The following LAMC1 variants were observed in gnomAD, a reference collection of about 807,000 sequenced individuals.
LAMC1 encodes laminin subunit gamma 1, also known as laminin subunit gamma-1.
In LAMC1, 38 loss-of-function variants were observed where a neutral mutation model predicts 173.6. The ratio of observed to expected loss-of-function variants is 0.22; its 90% CI spans 0.17 to 0.29. LAMC1 has a LOEUF of 0.29. Ranked by LOEUF, LAMC1 falls within the 10% of genes least tolerant of loss-of-function variation. The pLI is 1.00. For missense variants in LAMC1, 1,824 were observed against 2,051.8 expected (o/e 0.89, Z 2.14); for synonymous variants, 746 against 749.1 (o/e 1.00, Z 0.07).
intron 1 of LAMC1, among the ~76,000 whole-genome samples, chr1:183,035,559 G>A (rs891523370): frequency 1.3e-5 from 2 of 152,168 alleles, no homozygotes; most frequent in Non-Finnish European, 2.9e-5. Flanking sequence ...AGCTGTTAAT[G>A]CTTCTAGAAA....
At chr1:183,060,240 TC>T (rs562292279) in intron 1 of LAMC1, among the ~76,000 whole-genome samples, 16 of 152,100 alleles carry the variant, frequency 1.1e-4, no homozygotes, top group Non-Finnish European at 2.2e-4. Context: ...CTCTGGCAGT[TC>T]CTGGAACATG....
intron 1 of LAMC1, among the ~76,000 whole-genome samples, chr1:183,025,390 A>AGTTC (rs1653660242): frequency 6.6e-6 from 1 of 152,262 alleles, no homozygotes; most frequent in Non-Finnish European, 1.5e-5. Flanking sequence ...TAAGTGTTAG[A>AGTTC]AAAGCAGAAT....
At chr1:183,067,371 G>A (rs970042688) in intron 1 of LAMC1, among the ~76,000 whole-genome samples, 1 of 152,108 alleles carries the variant, frequency 6.6e-6, no homozygotes, top group Admixed American at 6.5e-5. Context: ...GTCTCCTAAA[G>A]TTGACCACAC....
At chr1:183,053,787 G>A (rs1451176246) in intron 1 of LAMC1, among the ~76,000 whole-genome samples, 2 of 152,030 alleles carry the variant, frequency 1.3e-5, no homozygotes, top group Non-Finnish European at 2.9e-5. Flanking sequence ...CATCATGCCT[G>A]GCTAATTTTT....
At chr1:183,092,818 A>G (rs570404624) in intron 1 of LAMC1, among the ~76,000 whole-genome samples, 40 of 152,198 alleles carry the variant, frequency 2.6e-4, no homozygotes, top group African/African-American at 8.7e-4. Flanking sequence ...ACCCACTCCA[A>G]TCCACTCCAA....
chr1:183,122,312 G>C, intron 13 of LAMC1, 61 bp downstream of exon 13: 1 of 1,503,596 alleles, frequency 6.7e-7, no homozygotes, highest in Non-Finnish European at 9.1e-7. Context: ...CTAGGGGAAA[G>C]GGGCTTCGGA....
At chr1:183,057,449 A>T (rs563344404) in intron 1 of LAMC1, among the ~76,000 whole-genome samples, 1 of 152,150 alleles carries the variant, frequency 6.6e-6, no homozygotes, top group Non-Finnish European at 1.5e-5. Context: ...CCCAAACCAT[A>T]TAGAAATTTA....
At chr1:183,102,224 A>G (rs1655855470) in intron 1 of LAMC1, among the ~76,000 whole-genome samples, 1 of 152,216 alleles carries the variant, frequency 6.6e-6, no homozygotes. Flanking sequence ...TCTCTCCTCA[A>G]CACTTCTGAG....
chr1:183,094,603 G>A (rs7542640), intron 1 of LAMC1, among the ~76,000 whole-genome samples: 78,482 of 152,020 alleles, frequency 0.52, 20,934 homozygotes, highest in South Asian at 0.65. Context: ...AATTATCAAG[G>A]CCAGTCATAG....
rs2102099708 is a variant in LAMC1 at position 183,128,654 on chromosome 1, G to A, written c.3184G>A (p.Gly1062Arg). Residue 1062 changes from glycine to arginine, a missense_variant, in exon 18 of 28, where the codon GGG (glycine) becomes AGG (arginine). Transcript: ENST00000258341. ...GAGTCTCATAGCAAACCTTGGAACTGGGGATGAGATGGTGACAGATCAAGC... is the reference window on the plus strand; with the variant it reads ...GAGTCTCATAGCAAACCTTGGAACTAGGGATGAGATGGTGACAGATCAAGC... Reference protein sequence around the residue: ...LESLIANLGTGDEMVTDQAFE... With the variant: ...LESLIANLGTRDEMVTDQAFE... The A allele has an allele frequency of 1.2e-6, 2 of 1,613,630 alleles. No homozygotes were observed. The highest frequency in any genetic ancestry group is 1.6e-4 in the Middle Eastern group (1 of 6,062).
At chr1:183,117,182 G>A in intron 8 of LAMC1, 138 bp from the exon 9 acceptor site, 1 of 858,368 alleles carries the variant, frequency 1.2e-6, no homozygotes, top group Non-Finnish European at 1.8e-6. Context: ...ACTGTTGTAG[G>A]ATCCATTTAT....
intron 1 of LAMC1, among the ~76,000 whole-genome samples, chr1:183,044,013 A>G (rs1048404456): frequency 2.0e-5 from 3 of 151,556 alleles, no homozygotes; most frequent in Non-Finnish European, 4.4e-5. Context: ...CTTTCTGTCC[A>G]GTTTTTTTTA....
chr1:183,055,937 A>G (rs1376612552), intron 1 of LAMC1, among the ~76,000 whole-genome samples: 3 of 152,222 alleles, frequency 2.0e-5, no homozygotes, highest in Admixed American at 2.0e-4. Flanking sequence ...AGCTGGGGAC[A>G]CCTTTTGGAA....
At chr1:183,024,219 G>T in intron 1 of LAMC1, 85 bp downstream of exon 1, 1 of 1,331,306 alleles carries the variant, frequency 7.5e-7, no homozygotes, top group Non-Finnish European at 1.0e-6. Context: ...CCGGCCTCAC[G>T]GGCGCAGACG....
At chr1:183,111,647 T>C (rs1656156469) in intron 4 of LAMC1, among the ~76,000 whole-genome samples, 2 of 152,234 alleles carry the variant, frequency 1.3e-5, no homozygotes, top group South Asian at 4.1e-4. Flanking sequence ...ATCATGATTT[T>C]AAAGCAGAAA....
rs1558030454 is a variant in LAMC1, at chr1:183,042,476, T to C, written c.418+18342T>C. Among the ~76,000 whole-genome samples, 3 of 152,160 alleles carry C rather than the reference T, an allele frequency of 2.0e-5. No homozygotes were observed. The South Asian group carries it at 6.2e-4, about 32-fold the overall frequency. ...GGTCTTGTGCCTGGCCACAGATCTA[T>C]TACAGTGATGGATGGGTTGGTGGGG... On this transcript the variant is annotated intron_variant, in intron 1 of 27. Transcript: ENST00000258341.
At chr1:183,068,866 C>G (rs907641696) in intron 1 of LAMC1, among the ~76,000 whole-genome samples, 1 of 151,968 alleles carries the variant, frequency 6.6e-6, no homozygotes, top group African/African-American at 2.4e-5. Context: ...CGCTTGAACC[C>G]AGGAGGCGAA....
chr1:183,094,472 T>A (rs1655644502), intron 1 of LAMC1, among the ~76,000 whole-genome samples: 1 of 152,214 alleles, frequency 6.6e-6, no homozygotes, highest in Admixed American at 6.5e-5. Flanking sequence ...TTACTGTAAG[T>A]TCTACAAGGT....
chr1:183,141,229 A>G (rs1657105647), intron 27 of LAMC1: 1 of 152,276 alleles, frequency 6.6e-6, no homozygotes, highest in South Asian at 2.1e-4. Context: ...AAGCAGGTGC[A>G]TCACTTGAGT....
Sources: gnomAD v4.1 joint callset for allele counts (sites outside exome capture counted in the v4.1 genomes callset) on GRCh38, gnomAD v4.1.1 for gene constraint, MANE v1.5 for transcripts, NCBI Gene and HGNC (gene_info 2026-07-23, HGNC 2026-07-21) for gene names.